Variants in CNTN3 observed in about 807,000 individuals in gnomAD.
CNTN3 encodes the protein contactin 3.
In CNTN3, 60 loss-of-function variants were observed where a neutral mutation model predicts 119.1. The observed-to-expected ratio is 0.50, with a 90% CI of 0.41 to 0.62. The LOEUF (loss-of-function observed/expected upper bound fraction) is 0.62. Ranked by LOEUF, CNTN3 falls within the 20% of genes least tolerant of loss-of-function variation. The pLI is 0.00. For synonymous variants in CNTN3, 450 were observed against 438.7 expected (o/e 1.03, Z -0.32); for missense variants, 1,101 against 1,242.4 (o/e 0.89, Z 1.71).
intron 1 of CNTN3, among the ~76,000 whole-genome samples, chr3:74,560,551 G>C (rs1198771892): frequency 2.6e-5 from 4 of 152,034 alleles, no homozygotes; most frequent in Non-Finnish European, 5.9e-5. Flanking sequence ...CTACCTCCAG[G>C]CTAGCATTCT....
At chr3:74,364,793 G>A (rs1322903519) in intron 9 of CNTN3, among the ~76,000 whole-genome samples, 197 bp from the exon 10 acceptor site, 1 of 152,082 alleles carries the variant, frequency 6.6e-6, no homozygotes, top group Non-Finnish European at 1.5e-5. Context: ...TTAGAAATAT[G>A]AATTAGCATC....
Position 74,348,606 on chromosome 3 carries a change from G to A in CNTN3, c.1365-11948C>T, listed in dbSNP as rs1019778260. On this transcript the variant is annotated intron_variant, in intron 11 of 22. Transcript: ENST00000263665. Reference sequence around the variant, plus strand: ...GGAGAGACCATAAGCAGAGGCCTTGGGCTTCATGAGAGGAGAGACTGTAAT... The same window carrying A: ...GGAGAGACCATAAGCAGAGGCCTTGAGCTTCATGAGAGGAGAGACTGTAAT... 8.5e-5 allele frequency among the ~76,000 whole-genome samples: 13 copies of A among 152,178 alleles called. No individual in the cohort carries two copies. In the South Asian group the frequency reaches 1.0e-3, roughly 12 times the overall value.
intron 11 of CNTN3, among the ~76,000 whole-genome samples, chr3:74,339,867 CAT>C (rs564749581): frequency 3.8e-4 from 57 of 151,388 alleles, no homozygotes; most frequent in African/African-American, 1.3e-3. Flanking sequence ...AACACACACA[CAT>C]ATATGTGTGA....
intron 2 of CNTN3, among the ~76,000 whole-genome samples, chr3:74,511,334 T>G (rs1490037320): frequency 6.6e-6 from 1 of 152,118 alleles, no homozygotes; most frequent in African/African-American, 2.4e-5. Flanking sequence ...ATATAATTAC[T>G]TGCAAAATAA....
intron 13 of CNTN3, among the ~76,000 whole-genome samples, chr3:74,333,239 T>C (rs1249300178): frequency 6.6e-6 from 1 of 152,238 alleles, no homozygotes; most frequent in African/African-American, 2.4e-5. Context: ...CTTTTCCTTT[T>C]AAAAACTTTC....
rs370809452 is a variant in CNTN3 at position 74,567,062 on chromosome 3, A to G, written c.-80-45870T>C. 1.2e-4 allele frequency among the ~76,000 whole-genome samples: 18 copies of G among 152,072 alleles called. No individual in the cohort carries two copies. In the East Asian group the frequency reaches 2.5e-3, roughly 21 times the overall value. On this transcript the variant is annotated intron_variant, in intron 1 of 22. Coordinates refer to ENST00000263665, the MANE Select transcript of CNTN3 (RefSeq NM_020872.3). ...GAGCAGGCTGGAGAGCGTAGCAGAT[A>G]CGACAGCACAAGCACAGTCTGTACA...
chr3:74,480,638 T>C (rs1702746492), intron 4 of CNTN3, among the ~76,000 whole-genome samples: 1 of 152,006 alleles, frequency 6.6e-6, no homozygotes, highest in Admixed American at 6.6e-5. Context: ...AGCTTGATGT[T>C]TTCCTTAAAA....
chr3:74,403,996 T>C (rs919741733), intron 5 of CNTN3, among the ~76,000 whole-genome samples: 1 of 152,126 alleles, frequency 6.6e-6, no homozygotes, highest in Non-Finnish European at 1.5e-5. Context: ...AATACTTTCA[T>C]CTATTCTGCT....
intron 4 of CNTN3, among the ~76,000 whole-genome samples, chr3:74,463,621 GA>G (rs1229048473): frequency 2.0e-5 from 3 of 152,140 alleles, no homozygotes; most frequent in Non-Finnish European, 2.9e-5. Flanking sequence ...GACTATCTTA[GA>G]AACCTTACAT....
chr3:74,600,522 T>G (rs1031282305), intron 1 of CNTN3, among the ~76,000 whole-genome samples: 1 of 152,134 alleles, frequency 6.6e-6, no homozygotes, highest in Non-Finnish European at 1.5e-5. Context: ...TTAGTCTCAC[T>G]GGTAAAATGC....
intron 13 of CNTN3, among the ~76,000 whole-genome samples, chr3:74,316,882 C>A (rs529961942): frequency 6.6e-6 from 1 of 151,164 alleles, no homozygotes; most frequent in Admixed American, 6.6e-5. Context: ...CAGCCGAGAC[C>A]GCACCACTGC....
chr3:74,581,888 G>A (rs1462594516), intron 1 of CNTN3, among the ~76,000 whole-genome samples: 1 of 152,040 alleles, frequency 6.6e-6, no homozygotes, highest in Non-Finnish European at 1.5e-5. Flanking sequence ...GAAAAAAAAT[G>A]AATACTTACA....
intron 5 of CNTN3, among the ~76,000 whole-genome samples, chr3:74,392,317 C>T (rs1704931329): frequency 6.6e-6 from 1 of 152,040 alleles, no homozygotes; most frequent in Non-Finnish European, 1.5e-5. Flanking sequence ...CTTACATATC[C>T]TCCCTCCCTT....
At chr3:74,311,464 C>T (rs1199175969) in intron 13 of CNTN3, among the ~76,000 whole-genome samples, 2 of 152,128 alleles carry the variant, frequency 1.3e-5, no homozygotes, top group African/African-American at 4.8e-5. Context: ...AAAACCCAAT[C>T]CACCTAAAAT....
intron 13 of CNTN3, among the ~76,000 whole-genome samples, chr3:74,317,787 A>C (rs1173308144): frequency 1.3e-5 from 2 of 151,900 alleles, no homozygotes; most frequent in Non-Finnish European, 2.9e-5. Context: ...CCTTCATTTC[A>C]ACTTTGGTGA....
rs75361240 is a variant in CNTN3, at chr3:74,532,167, G to A, written c.-80-10975C>T. ...CAGCCACATAGTGGTGGGTAGATGTGTGAATAATGGGTGAAGAACCAGAGA... is the reference window on the plus strand; with the variant it reads ...CAGCCACATAGTGGTGGGTAGATGTATGAATAATGGGTGAAGAACCAGAGA... On this transcript the variant is annotated intron_variant, in intron 1 of 22. Coordinates refer to ENST00000263665, the MANE Select transcript of CNTN3 (RefSeq NM_020872.3). Among the ~76,000 whole-genome samples, 115 of 152,084 alleles carry A rather than the reference G, an allele frequency of 7.6e-4. No homozygotes were observed. In the East Asian group the frequency reaches 0.02, roughly 27 times the overall value.
intron 20 of CNTN3, among the ~76,000 whole-genome samples, chr3:74,278,420 A>G (rs1701925053): frequency 1.3e-5 from 2 of 152,186 alleles, no homozygotes; most frequent in Admixed American, 1.3e-4. Flanking sequence ...GCATAGACCA[A>G]TGGAGCAGAA....
rs559868801 is a variant in CNTN3 at position 74,423,089 on chromosome 3, T to C, written c.454+1756A>G. On this transcript the variant is annotated intron_variant, in intron 5 of 22. Coordinates refer to ENST00000263665, the MANE Select transcript of CNTN3 (RefSeq NM_020872.3). ...AAGATACATGAGAATGGAGGCAATATGGAGAGAAGTGCAGTCAAGAAATAC... is the reference window on the plus strand; with the variant it reads ...AAGATACATGAGAATGGAGGCAATACGGAGAGAAGTGCAGTCAAGAAATAC... Among the ~76,000 whole-genome samples the C allele has an allele frequency of 1.2e-4, 18 of 152,298 alleles. No homozygotes were observed. The South Asian group carries it at 2.3e-3, about 19-fold the overall frequency.
intron 4 of CNTN3, among the ~76,000 whole-genome samples, chr3:74,479,218 T>TG (rs1329794630): frequency 6.6e-6 from 1 of 152,068 alleles, no homozygotes; most frequent in African/African-American, 2.4e-5. Context: ...AGGACTCATG[T>TG]TTTGAAACTA....
Sources: gnomAD v4.1 joint callset for allele counts (sites outside exome capture counted in the v4.1 genomes callset) on GRCh38, gnomAD v4.1.1 for gene constraint, MANE v1.5 for transcripts, NCBI Gene and HGNC (gene_info 2026-07-23, HGNC 2026-07-21) for gene names.